Variants in KNDC1 observed in about 807,000 individuals in gnomAD.
KNDC1 encodes the protein kinase non-catalytic C-lobe domain containing 1.
KNDC1 carries 106 observed loss-of-function variants against 172.8 expected under a neutral mutation model. That is an observed-to-expected ratio of 0.61 (90% CI 0.52 to 0.72). KNDC1 has a LOEUF of 0.72. KNDC1 is among the 30% of genes least tolerant of loss of function. The probability of loss-of-function intolerance (pLI) is 0.00; values close to 1 mark genes in which losing one functional copy is unlikely to be tolerated. For missense variants in KNDC1, 2,325 were observed against 2,394.5 expected, an observed-to-expected ratio of 0.97 and a Z score of 0.61; for synonymous variants, 1,083 against 1,062.2, an observed-to-expected ratio of 1.02 and a Z score of -0.38.
chr10:133,224,562 G>A lies in KNDC1; in HGVS notation c.5019-97G>A. Reference sequence around the variant, plus strand: ...AGAATTTACACGGTGAAAAGATTTAGTCCAAATGATTCCTAAGAACGCGGG... The same window carrying A: ...AGAATTTACACGGTGAAAAGATTTAATCCAAATGATTCCTAAGAACGCGGG... On this transcript the variant is annotated intron_variant, in intron 29 of 29. Transcript: ENST00000304613. This position sits in a 1 kb window ranked among gnomAD's most constrained non-coding sequence, Gnocchi z 5.4. 1 of 834,354 alleles carries A rather than the reference G, an allele frequency of 1.2e-6. No homozygotes were observed. The highest frequency in any genetic ancestry group is 1.9e-6 in the Non-Finnish European group (1 of 525,506). The allele number at this position is 834,354 out of a possible 1,614,324, so 51.7% of individuals were successfully genotyped here.
intron 1 of KNDC1, 147 bp downstream of exon 1, chr10:133,160,716 C>T (rs2135935406): frequency 3.7e-6 from 2 of 536,720 alleles, no homozygotes; most frequent in East Asian, 6.9e-5. Context: ...GTTCTCAGCC[C>T]CCGCGTTAGG....
intron 1 of KNDC1, among the ~76,000 whole-genome samples, chr10:133,166,038 G>A (rs993570913): frequency 2.6e-5 from 4 of 152,238 alleles, no homozygotes; most frequent in African/African-American, 9.6e-5. Flanking sequence ...CCCTGATCCC[G>A]TCGTTTGTTG....
intron 24 of KNDC1, among the ~76,000 whole-genome samples, chr10:133,213,308 G>C (rs1022153402): frequency 9.8e-5 from 15 of 152,332 alleles, no homozygotes; most frequent in Non-Finnish European, 1.9e-4. Context: ...CCAGGGCCCT[G>C]CCCAACTTCC....
At chr10:133,200,815 A>C (rs1198013347) in intron 16 of KNDC1, among the ~76,000 whole-genome samples, 2 of 152,202 alleles carry the variant, frequency 1.3e-5, no homozygotes, top group African/African-American at 4.8e-5. Flanking sequence ...TCCGCTCTCC[A>C]AGCAGAGGGG....
At chr10:133,205,650 C>T (rs1316020240) in intron 17 of KNDC1, among the ~76,000 whole-genome samples, 9 of 152,206 alleles carry the variant, frequency 5.9e-5, no homozygotes, top group African/African-American at 1.9e-4. Flanking sequence ...AGCTGGAATC[C>T]GCATCATTGG....
chr10:133,189,834 C>G (rs538481993), intron 9 of KNDC1, 21 bp downstream of exon 9: 13 of 1,600,542 alleles, frequency 8.1e-6, no homozygotes, highest in Non-Finnish European at 8.5e-6. Flanking sequence ...CCTCCCCACC[C>G]TGCCCCAGCC....
At chr10:133,208,769 G>A (rs1020500698) in intron 20 of KNDC1, among the ~76,000 whole-genome samples, 7 of 152,222 alleles carry the variant, frequency 4.6e-5, no homozygotes, top group Non-Finnish European at 1.0e-4. Context: ...GACTGGGCAC[G>A]TGTGCAGTGT....
chr10:133,201,962 G>C (rs1405109967), intron 17 of KNDC1, 64 bp downstream of exon 17: 3 of 1,486,476 alleles, frequency 2.0e-6, no homozygotes, highest in Non-Finnish European at 2.7e-6. Context: ...GAGCTTCCTG[G>C]TCACTGCAGG....
intron 1 of KNDC1, among the ~76,000 whole-genome samples, chr10:133,160,812 C>T (rs1564867664): frequency 6.6e-6 from 1 of 152,160 alleles, no homozygotes; most frequent in Non-Finnish European, 1.5e-5. Flanking sequence ...TGCGCGGTAG[C>T]TCCTGGTGGA....
chr10:133,213,610 G>C, intron 24 of KNDC1, 35 bp from the exon 25 acceptor site: 1 of 1,598,162 alleles, frequency 6.3e-7, no homozygotes, highest in Non-Finnish European at 8.6e-7. Context: ...CTAAGGGATG[G>C]AAGCCTGAAC....
rs1845682563 is a variant in KNDC1, at chr10:133,224,602, A to G, written c.5019-57A>G. The G allele has an allele frequency of 1.5e-6, 2 of 1,328,176 alleles. No individual in the cohort carries two copies. Among genetic ancestry groups the G allele is most frequent in the Admixed American group, 3.9e-5 (2 of 50,766 alleles). 82.3% of individuals were successfully genotyped at this position (1,328,176 alleles called of 1,614,324 possible). ...AAGAACGCGGGGGGACTCCCTCCCC[A>G]CGGAAGCCGCGCCCCTGCCCTGTGC... On this transcript the variant is annotated intron_variant, in intron 29 of 29. Coordinates refer to ENST00000304613, the MANE Select transcript of KNDC1 (RefSeq NM_152643.8). This position sits in a 1 kb window ranked among gnomAD's most constrained non-coding sequence, Gnocchi z 5.4.
intron 1 of KNDC1, among the ~76,000 whole-genome samples, chr10:133,166,539 G>A (rs545781137): frequency 7.7e-4 from 118 of 152,294 alleles, no homozygotes; most frequent in African/African-American, 2.7e-3. Context: ...GTGTGTGTGT[G>A]TATGAGGATG....
chr10:133,171,049 G>C (rs779161567), intron 3 of KNDC1, among the ~76,000 whole-genome samples: 16 of 152,244 alleles, frequency 1.1e-4, no homozygotes, highest in Non-Finnish European at 2.1e-4. Flanking sequence ...TTCTTCTACT[G>C]TTAGGGTCTA....
intron 29 of KNDC1, among the ~76,000 whole-genome samples, chr10:133,220,981 ACCCAAGATAACCT>A (rs986231886): frequency 6.6e-6 from 1 of 151,956 alleles, no homozygotes. Context: ...ACCTCCCTCT[ACCCAAGATAACCT>A]CCAGCCACCT....
chr10:133,193,754 AAAAG>A (rs1179842569), intron 9 of KNDC1, among the ~76,000 whole-genome samples: 1 of 152,252 alleles, frequency 6.6e-6, no homozygotes, highest in Non-Finnish European at 1.5e-5. Context: ...GAAAATGATA[AAAAG>A]AAAGCAGAAG....
At chr10:133,175,644 T>C in intron 3 of KNDC1, among the ~76,000 whole-genome samples, 1 of 146,818 alleles carries the variant, frequency 6.8e-6, no homozygotes, top group Non-Finnish European at 1.5e-5. Context: ...AGTGTATGAA[T>C]TGATGGGTGG....
intron 3 of KNDC1, among the ~76,000 whole-genome samples, chr10:133,179,712 G>A (rs760040894): frequency 9.9e-5 from 15 of 152,228 alleles, no homozygotes; most frequent in Non-Finnish European, 1.8e-4. Context: ...GAGAGCTACC[G>A]GGATGCCCAT....
intron 6 of KNDC1, among the ~76,000 whole-genome samples, chr10:133,187,985 G>A (rs1284922470): frequency 2.0e-5 from 3 of 146,496 alleles, no homozygotes; most frequent in African/African-American, 7.7e-5. Context: ...CAGGGGCCTC[G>A]TGGGAGTGGG....
At chr10:133,200,802 G>A (rs1467380361) in intron 16 of KNDC1, among the ~76,000 whole-genome samples, 1 of 152,236 alleles carries the variant, frequency 6.6e-6, no homozygotes, top group African/African-American at 2.4e-5. Flanking sequence ...GAGCCAGGTG[G>A]GATCCGCTCT....
Sources: gnomAD v4.1 joint callset for allele counts (sites outside exome capture counted in the v4.1 genomes callset) on GRCh38, gnomAD v4.1.1 for gene constraint, Gnocchi (gnomAD v3.1) non-coding constraint, MANE v1.5 for transcripts, NCBI Gene and HGNC (gene_info 2026-07-23, HGNC 2026-07-21) for gene names.